ZPBP: variants seen among roughly 807,000 people sequenced by gnomAD.
The protein encoded by ZPBP is zona pellucida binding protein.
ZPBP carries 26 observed loss-of-function variants against 44.8 expected under a neutral mutation model. That is an observed-to-expected ratio of 0.58 (90% CI 0.43 to 0.81). The LOEUF (loss-of-function observed/expected upper bound fraction) is 0.81, where lower values mean the gene tolerates loss of function less well. Ranked by LOEUF, ZPBP falls within the 30% of genes least tolerant of loss-of-function variation. The pLI is 0.00. For missense variants in ZPBP, 409 were observed against 434.0 expected, an observed-to-expected ratio of 0.94 and a Z score of 0.51; for synonymous variants, 174 against 153.2, an observed-to-expected ratio of 1.14 and a Z score of -1.00.
chr7:49,918,628 C>G (rs958616824), intron 1 of ZPBP: 1 of 152,238 alleles, frequency 6.6e-6, no homozygotes, highest in East Asian at 1.9e-4. Context: ...TTTTCTGGAG[C>G]CAAGAGAAGT....
rs1379989037 is a variant in ZPBP, at chr7:49,981,700, TATATA to T, written c.961+1637_961+1641del. On this transcript the variant is annotated intron_variant, in intron 7 of 7. Coordinates refer to ENST00000046087, the MANE Select transcript of ZPBP (RefSeq NM_007009.3). ...TTATATATAATAATATATATAATTATATATAATATATTATATATAATATAAATTAT... is the reference window on the plus strand; with the variant it reads ...TTATATATAATAATATATATAATTATATATATTATATATAATATAAATTAT... Among the ~76,000 whole-genome samples, 20 of 79,066 alleles carry T rather than the reference TATATA, an allele frequency of 2.5e-4. 1 individual carries two copies. The Admixed American group carries it at 3.9e-3, about 16-fold the overall frequency. 51.9% of individuals were successfully genotyped at this position (79,066 alleles called of 152,430 possible).
In ZPBP at chr7:49,862,424, G is replaced by A. The variant is rs143588393; in HGVS notation, n.510-11910C>T. Among the ~76,000 whole-genome samples the A allele has an allele frequency of 5.6e-3, 858 of 152,242 alleles. 7 individuals carry two copies. Among genetic ancestry groups the A allele is most frequent in the African/African-American group, 0.019 (800 of 41,556 alleles). On this transcript the variant is annotated intron_variant and non_coding_transcript_variant, in intron 2 of 2. Transcript: ENST00000465922. ...ATCATACTAACCGTGAATAGAGATA[G>A]TTTTATTTCTTCCTTTCCAATTTGG...
intron 6 of ZPBP, among the ~76,000 whole-genome samples, chr7:49,996,049 G>T (rs6583409): frequency 0.51 from 76,896 of 152,000 alleles, 20,295 homozygotes; most frequent in East Asian, 0.69. Flanking sequence ...AAATGCTCGA[G>T]GTGATAGATA....
In ZPBP at chr7:50,080,164, T is replaced by C. The variant is rs757857594; in HGVS notation, c.334+1610A>G. 1.1e-3 allele frequency among the ~76,000 whole-genome samples: 160 copies of C among 151,702 alleles called. 2 individuals are homozygous for C. Among genetic ancestry groups the C allele is most frequent in the Non-Finnish European group, 2.5e-4 (17 of 67,726 alleles). ...AACTACAGTCCAAAAAGCTTCTCTG[T>C]TCTTCAAACTTTAAGACATTAGACC... On this transcript the variant is annotated intron_variant, in intron 3 of 7. Coordinates refer to ENST00000046087, the MANE Select transcript of ZPBP (RefSeq NM_007009.3).
Position 50,018,244 on chromosome 7 carries a change from A to G in ZPBP, c.779T>C (p.Phe260Ser), listed in dbSNP as rs768948113. 6.2e-7 allele frequency: 1 copy of G among 1,610,784 alleles called. No individual in the cohort carries two copies. Among genetic ancestry groups the G allele is most frequent in the Non-Finnish European group, 8.5e-7 (1 of 1,178,570 alleles). Residue 260 changes from phenylalanine to serine, a missense_variant, in exon 6 of 8, where the codon TTT (phenylalanine) becomes TCT (serine). Phe to Ser is a radical substitution (Grantham distance 155). Around this residue, in one of 2 missense-constraint regions of ZPBP, gnomAD observed 367 missense variants for 363.1 expected, o/e 1.01. Coordinates refer to ENST00000046087, the MANE Select transcript of ZPBP (RefSeq NM_007009.3). ...DHNCEPYKRL[F>S]KAKNLIERFF... Reference sequence around the variant, plus strand: ...TACCAGCCTCACATAACATACCTTAAAAAGTCTTTTGTAAGGTTCACAGTT... The same window carrying G: ...TACCAGCCTCACATAACATACCTTAGAAAGTCTTTTGTAAGGTTCACAGTT...
chr7:49,851,618 G>C (rs754107512), intron 2 of ZPBP, among the ~76,000 whole-genome samples: 1 of 152,212 alleles, frequency 6.6e-6, no homozygotes, highest in African/African-American at 2.4e-5. Flanking sequence ...CCAGCACTTC[G>C]GGAGGCCGAG....
intron 6 of ZPBP, among the ~76,000 whole-genome samples, chr7:49,988,344 A>T (rs564878876): frequency 6.6e-6 from 1 of 152,272 alleles, no homozygotes; most frequent in South Asian, 2.1e-4. Context: ...CCTGACACCT[A>T]GCTTTTAGAT....
chr7:49,934,978 G>T (rs1351695), downstream of ZPBP, among the ~76,000 whole-genome samples: 118,321 of 152,124 alleles, frequency 0.78, 46,183 homozygotes, highest in East Asian at 0.89. Flanking sequence ...GGTATTATTT[G>T]GATGCAAATA....
intron 7 of ZPBP, among the ~76,000 whole-genome samples, chr7:49,982,344 A>G: frequency 7.9e-6 from 1 of 127,040 alleles, no homozygotes; most frequent in Admixed American, 9.9e-5. Flanking sequence ...TATAATACAT[A>G]ATATATAATT....
chr7:50,013,161 C>T (rs772547056), intron 6 of ZPBP, among the ~76,000 whole-genome samples: 2 of 151,756 alleles, frequency 1.3e-5, no homozygotes, highest in Admixed American at 6.6e-5. Context: ...AAAATTATTA[C>T]ATAGAAGACT....
At chr7:49,859,637 C>A (rs1790565618) in intron 2 of ZPBP, among the ~76,000 whole-genome samples, 1 of 152,206 alleles carries the variant, frequency 6.6e-6, no homozygotes, top group African/African-American at 2.4e-5. Context: ...TTGCCTATTG[C>A]ATGCGAATAC....
intron 1 of ZPBP, among the ~76,000 whole-genome samples, chr7:49,924,532 A>C (rs1446344708): frequency 2.0e-5 from 3 of 152,216 alleles, no homozygotes; most frequent in African/African-American, 7.2e-5. Context: ...GTTGCAAATT[A>C]AGAAACAAAA....
intron 6 of ZPBP, among the ~76,000 whole-genome samples, chr7:49,984,395 A>C (rs1797155644): frequency 6.6e-6 from 1 of 152,234 alleles, no homozygotes; most frequent in Non-Finnish European, 1.5e-5. Context: ...ATATTGCATA[A>C]AATTATTTTC....
At chr7:49,919,549 G>A (rs1369448680) in intron 1 of ZPBP, 4 of 151,998 alleles carry the variant, frequency 2.6e-5, no homozygotes, top group African/African-American at 9.7e-5. Context: ...GGTTTATTGT[G>A]AGGATTAAAT....
chr7:50,004,481 C>G (rs1798222284), intron 6 of ZPBP, among the ~76,000 whole-genome samples: 1 of 152,086 alleles, frequency 6.6e-6, no homozygotes, highest in South Asian at 2.1e-4. Flanking sequence ...GAGCCTTCCA[C>G]TGGATTTTGC....
chr7:49,951,556 TA>T (rs1014994280), intron 7 of ZPBP, among the ~76,000 whole-genome samples: 6 of 148,150 alleles, frequency 4.0e-5, no homozygotes, highest in African/African-American at 9.9e-5. Context: ...TTTTTTTTTT[TA>T]AAAAGGAAAA....
At chr7:50,039,847 C>T (rs1416788476) in intron 4 of ZPBP, among the ~76,000 whole-genome samples, 1 of 140,352 alleles carries the variant, frequency 7.1e-6, no homozygotes, top group Non-Finnish European at 1.7e-5. Context: ...AATATTGATA[C>T]CATAAAATAC....
chr7:49,887,509 G>A (rs1392158612), intron 2 of ZPBP, among the ~76,000 whole-genome samples: 4 of 125,642 alleles, frequency 3.2e-5, no homozygotes, highest in Middle Eastern at 3.9e-3. Context: ...TTGTAATTGT[G>A]GGGTATTAGA....
chr7:50,059,731 G>C (rs1801152714), intron 3 of ZPBP, among the ~76,000 whole-genome samples: 1 of 152,106 alleles, frequency 6.6e-6, no homozygotes, highest in African/African-American at 2.4e-5. Context: ...ATTAATAAGT[G>C]TATCAAAATA....
Sources: allele counts gnomAD v4.1 joint callset (sites outside exome capture counted in the v4.1 genomes callset), GRCh38; gene constraint gnomAD v4.1.1; regional missense constraint gnomAD v4.1.1; transcripts MANE v1.5; gene names NCBI Gene and HGNC (gene_info 2026-07-23, HGNC 2026-07-21).